Variants in MDGA2 observed in about 807,000 individuals in gnomAD.
MDGA2 encodes MAM domain-containing glycosylphosphatidylinositol anchor protein 2.
In MDGA2, 40 loss-of-function variants were observed where a neutral mutation model predicts 117.8. That is an observed-to-expected ratio of 0.34 (90% CI 0.26 to 0.44). MDGA2 has a LOEUF of 0.44. MDGA2 is among the 20% of genes least tolerant of loss of function. The pLI, the probability that MDGA2 is intolerant of heterozygous loss-of-function variation, is 1.00. For synonymous variants in MDGA2, 452 were observed against 439.0 expected (o/e 1.03, Z -0.37); for missense variants, 1,123 against 1,250.6 (o/e 0.90, Z 1.54).
intron 8 of MDGA2, among the ~76,000 whole-genome samples, chr14:46,958,542 C>CA (rs1212820123): frequency 6.6e-6 from 1 of 151,986 alleles, no homozygotes; most frequent in Admixed American, 6.6e-5. Context: ...AGACAAGTTG[C>CA]AAAAAAATTA....
intron 10 of MDGA2, among the ~76,000 whole-genome samples, chr14:46,912,640 TCCA>T (rs1883750921): frequency 6.6e-6 from 1 of 152,202 alleles, no homozygotes; most frequent in Admixed American, 6.5e-5. Flanking sequence ...GCTTGTTTCC[TCCA>T]CGTTTCTAAT....
At position 46,957,400 on chromosome 14, in the gene MDGA2, G is replaced by A. The variant is rs775822062; in HGVS notation, c.2063C>T (p.Ala688Val). The A allele has an allele frequency of 3.1e-6, 5 of 1,613,870 alleles. No individual in the cohort carries two copies. Among genetic ancestry groups the A allele is most frequent in the Admixed American group, 1.7e-5 (1 of 60,012 alleles). ...TGTAACAAGAAAGCTGCATCTCCCA[G>A]CTCCAGCTTCATTTATGATGCTACA... ...YNCSIINEAG[A>V]GRCSFLVTGK... The change falls in exon 9 of 17, where the codon GCT becomes GTT. Residue 688 changes from alanine (A) to valine (V), a missense_variant. By Grantham distance (64) the Ala-to-Val change is moderately conservative. Coordinates refer to ENST00000399232, the MANE Select transcript of MDGA2 (RefSeq NM_001113498.3).
At chr14:46,860,143 T>A (rs1881451186) in intron 14 of MDGA2, among the ~76,000 whole-genome samples, 1 of 152,112 alleles carries the variant, frequency 6.6e-6, no homozygotes, top group Non-Finnish European at 1.5e-5. Flanking sequence ...GCATTCTTTA[T>A]ATCACAGCTG....
chr14:47,275,843 T>C (rs1888295599), intron 2 of MDGA2, among the ~76,000 whole-genome samples: 1 of 152,150 alleles, frequency 6.6e-6, no homozygotes, highest in Non-Finnish European at 1.5e-5. Flanking sequence ...GAGAGCAGCC[T>C]GCGTAATGTA....
chr14:47,627,557 C>G (rs1897170358), intron 1 of MDGA2, among the ~76,000 whole-genome samples: 1 of 152,086 alleles, frequency 6.6e-6, no homozygotes, highest in African/African-American at 2.4e-5. Context: ...AACTTTTGTG[C>G]CTAGCTCAGG....
intron 1 of MDGA2, among the ~76,000 whole-genome samples, chr14:47,457,317 G>C (rs915791187): frequency 6.6e-6 from 1 of 152,056 alleles, no homozygotes. Context: ...TGTTAGACAG[G>C]TATACTGCTT....
intron 6 of MDGA2, among the ~76,000 whole-genome samples, chr14:47,086,909 A>G (rs140235735): frequency 5.3e-5 from 8 of 152,242 alleles, no homozygotes; most frequent in Non-Finnish European, 1.0e-4. Flanking sequence ...CCATATGGAG[A>G]GAGTTGCCCT....
At chr14:47,447,498 G>C (rs1201006769) in intron 1 of MDGA2, among the ~76,000 whole-genome samples, 1 of 152,152 alleles carries the variant, frequency 6.6e-6, no homozygotes, top group Non-Finnish European at 1.5e-5. Context: ...GGATGCTTAT[G>C]TGGGTTATAT....
At chr14:47,655,295 G>C (rs1897722367) in intron 1 of MDGA2, among the ~76,000 whole-genome samples, 1 of 152,120 alleles carries the variant, frequency 6.6e-6, no homozygotes, top group Non-Finnish European at 1.5e-5. Context: ...CTACCAAGAA[G>C]GTGAACCAGA....
chr14:47,588,233 G>GATATAT (rs1284259011), intron 1 of MDGA2, among the ~76,000 whole-genome samples: 5 of 83,712 alleles, frequency 6.0e-5, no homozygotes, highest in East Asian at 8.2e-4. Flanking sequence ...CTTGGAGATA[G>GATATAT]ATAGATATAT....
At chr14:47,065,269 A>T (rs948394897) in intron 6 of MDGA2, among the ~76,000 whole-genome samples, 1 of 152,174 alleles carries the variant, frequency 6.6e-6, no homozygotes, top group Non-Finnish European at 1.5e-5. Flanking sequence ...TATACTTGCA[A>T]GGACATTCTA....
chr14:47,083,619 C>T (rs1890787340), intron 6 of MDGA2, among the ~76,000 whole-genome samples: 1 of 151,938 alleles, frequency 6.6e-6, no homozygotes, highest in South Asian at 2.1e-4. Flanking sequence ...TATCTAAATA[C>T]ACCAATTGAA....
At chr14:46,882,619 T>C (rs1025598061) in intron 10 of MDGA2, among the ~76,000 whole-genome samples, 2 of 151,526 alleles carry the variant, frequency 1.3e-5, no homozygotes, top group Non-Finnish European at 2.9e-5. Flanking sequence ...ATATAACTGT[T>C]CCCATATATT....
intron 1 of MDGA2, among the ~76,000 whole-genome samples, chr14:47,622,932 C>A (rs984108559): frequency 2.0e-5 from 3 of 152,058 alleles, no homozygotes; most frequent in Non-Finnish European, 4.4e-5. Flanking sequence ...ACTATTCTAT[C>A]TAAGTCAGGA....
chr14:47,050,545 A>C (rs1889421954), intron 7 of MDGA2, among the ~76,000 whole-genome samples: 1 of 152,000 alleles, frequency 6.6e-6, no homozygotes, highest in African/African-American at 2.4e-5. Context: ...TTGAAAAAAT[A>C]ATTCACCATA....
intron 6 of MDGA2, among the ~76,000 whole-genome samples, chr14:47,088,653 G>A (rs1320932823): frequency 6.6e-6 from 1 of 152,076 alleles, no homozygotes; most frequent in South Asian, 2.1e-4. Context: ...AATTCTGATT[G>A]GCATTCTGAT....
At chr14:47,150,548 C>T (rs1883121519) in intron 3 of MDGA2, among the ~76,000 whole-genome samples, 1 of 152,084 alleles carries the variant, frequency 6.6e-6, no homozygotes, top group Non-Finnish European at 1.5e-5. Flanking sequence ...AAATATTGAA[C>T]TCACAGGGCA....
At chr14:47,532,872 T>C (rs896063479) in intron 1 of MDGA2, among the ~76,000 whole-genome samples, 2 of 152,218 alleles carry the variant, frequency 1.3e-5, no homozygotes, top group Non-Finnish European at 2.9e-5. Context: ...AGTGATCTGA[T>C]TTTGCTATGC....
chr14:47,158,875 G>A (rs1218501788), intron 3 of MDGA2, among the ~76,000 whole-genome samples: 2 of 152,180 alleles, frequency 1.3e-5, no homozygotes, highest in Non-Finnish European at 2.9e-5. Context: ...AAAGAAGTGA[G>A]CTCTCAAGCC....
Sources: allele counts gnomAD v4.1 joint callset (sites outside exome capture counted in the v4.1 genomes callset), GRCh38; gene constraint gnomAD v4.1.1; transcripts MANE v1.5; gene names NCBI Gene and HGNC (gene_info 2026-07-23, HGNC 2026-07-21).